The following PRKD1 variants were observed in gnomAD, a reference collection of about 807,000 sequenced individuals.
PRKD1 encodes the protein serine/threonine-protein kinase D1.
Under a neutral mutation model 95.9 loss-of-function variants are expected in PRKD1, and 63 were observed. The ratio of observed to expected loss-of-function variants is 0.66; its 90% CI spans 0.54 to 0.81. The LOEUF is 0.81. Among genes scored for constraint, PRKD1 ranks in the 30% least tolerant of loss-of-function variants. PRKD1 has a pLI of 0.00. For synonymous variants in PRKD1, 425 were observed against 423.1 expected (o/e 1.00, Z -0.05); for missense variants, 1,048 against 1,165.3 (o/e 0.90, Z 1.47).
intron 1 of PRKD1, among the ~76,000 whole-genome samples, chr14:29,808,155 A>G (rs187974968): frequency 3.9e-4 from 60 of 152,192 alleles, no homozygotes; most frequent in Non-Finnish European, 7.1e-4. Context: ...ATTGGAGTCA[A>G]TCCTCTCAAA....
At chr14:29,580,607 T>C (rs533617934) in intron 16 of PRKD1, among the ~76,000 whole-genome samples, 1 of 152,244 alleles carries the variant, frequency 6.6e-6, no homozygotes, top group South Asian at 2.1e-4. Context: ...AGTTGAGAAT[T>C]CTGTTCTGCT....
intron 1 of PRKD1, among the ~76,000 whole-genome samples, chr14:29,838,040 A>G (rs1267314421): frequency 6.6e-6 from 1 of 152,214 alleles, no homozygotes; most frequent in Non-Finnish European, 1.5e-5. Flanking sequence ...ACGAAACTGT[A>G]CAGCACAAAA....
At chr14:29,755,328 A>T (rs967110050) in intron 1 of PRKD1, among the ~76,000 whole-genome samples, 1 of 152,110 alleles carries the variant, frequency 6.6e-6, no homozygotes, top group Non-Finnish European at 1.5e-5. Flanking sequence ...AACATGTACT[A>T]AATTTCTCCA....
intron 1 of PRKD1, among the ~76,000 whole-genome samples, chr14:29,910,556 GAGAA>G (rs1474481768): frequency 1.3e-5 from 2 of 152,136 alleles, no homozygotes; most frequent in Non-Finnish European, 2.9e-5. Context: ...GTAGCCTTAA[GAGAA>G]AGAAAGATTA....
intron 1 of PRKD1, among the ~76,000 whole-genome samples, chr14:29,738,970 G>A (rs570300237): frequency 4.3e-4 from 66 of 152,050 alleles, no homozygotes; most frequent in African/African-American, 1.6e-3. Flanking sequence ...GGTGTAGCTG[G>A]TATTATAGGT....
chr14:29,875,465 C>CAAA (rs1893254248), intron 1 of PRKD1, among the ~76,000 whole-genome samples: 1 of 152,134 alleles, frequency 6.6e-6, no homozygotes, highest in Non-Finnish European at 1.5e-5. Flanking sequence ...TTATTAGAGG[C>CAAA]AAAACTGTGC....
intron 1 of PRKD1, among the ~76,000 whole-genome samples, chr14:29,789,861 C>T (rs1889455371): frequency 6.6e-6 from 1 of 152,096 alleles, no homozygotes; most frequent in Admixed American, 6.5e-5. Flanking sequence ...TGAGGTGGAC[C>T]TGTCTTCAGG....
At chr14:29,796,513 A>G (rs1358922083) in intron 1 of PRKD1, among the ~76,000 whole-genome samples, 1 of 152,174 alleles carries the variant, frequency 6.6e-6, no homozygotes, top group Admixed American at 6.5e-5. Flanking sequence ...CAGTCTATAA[A>G]TCATATTTAA....
chr14:29,903,492 T>A (rs1326193173), intron 1 of PRKD1, among the ~76,000 whole-genome samples: 2 of 152,116 alleles, frequency 1.3e-5, no homozygotes, highest in Non-Finnish European at 2.9e-5. Flanking sequence ...TTGTTGTCAG[T>A]TAAATAGAGA....
chr14:29,852,145 T>C (rs1297409731), intron 1 of PRKD1, among the ~76,000 whole-genome samples: 3 of 152,066 alleles, frequency 2.0e-5, no homozygotes, highest in Admixed American at 6.6e-5. Flanking sequence ...TTCACTGCCC[T>C]AGTGACAGGT....
At chr14:29,760,481 A>G (rs1372540621) in intron 1 of PRKD1, among the ~76,000 whole-genome samples, 1 of 149,056 alleles carries the variant, frequency 6.7e-6, no homozygotes, top group African/African-American at 2.5e-5. Context: ...TCAGCCTCCC[A>G]TGTAGCTGGG....
intron 1 of PRKD1, among the ~76,000 whole-genome samples, chr14:29,758,930 C>T (rs1343901229): frequency 6.6e-6 from 1 of 152,200 alleles, no homozygotes; most frequent in Non-Finnish European, 1.5e-5. Flanking sequence ...TAAGCACATT[C>T]ACTTCTACTA....
At chr14:29,898,762 T>C (rs1894218107) in intron 1 of PRKD1, among the ~76,000 whole-genome samples, 1 of 152,226 alleles carries the variant, frequency 6.6e-6, no homozygotes, top group South Asian at 2.1e-4. Context: ...TTACATCAGC[T>C]GTGTCCACAG....
chr14:29,651,761 G>C (rs927690090), intron 4 of PRKD1, among the ~76,000 whole-genome samples: 1 of 149,138 alleles, frequency 6.7e-6, no homozygotes, highest in Non-Finnish European at 1.5e-5. Context: ...ATTTATTTTT[G>C]AGACCGAGTT....
At chr14:29,634,609 A>C in intron 7 of PRKD1, 68 bp from the exon 8 acceptor site, 1 of 1,584,742 alleles carries the variant, frequency 6.3e-7, no homozygotes, top group Non-Finnish European at 8.7e-7. Flanking sequence ...TCATGCATAA[A>C]ACCTTATGTC....
At chr14:29,645,573 C>T (rs1453692860) in intron 4 of PRKD1, among the ~76,000 whole-genome samples, 1 of 152,080 alleles carries the variant, frequency 6.6e-6, no homozygotes, top group Non-Finnish European at 1.5e-5. Context: ...TCTCCTATTG[C>T]CATCGAGATG....
intron 1 of PRKD1, among the ~76,000 whole-genome samples, chr14:29,803,848 T>C (rs1358234691): frequency 1.3e-5 from 2 of 152,224 alleles, no homozygotes; most frequent in Non-Finnish European, 2.9e-5. Context: ...AAAGCCAAAT[T>C]CAAAATGCCT....
chr14:29,800,328 C>A (rs762686641), intron 1 of PRKD1, among the ~76,000 whole-genome samples: 4 of 152,200 alleles, frequency 2.6e-5, no homozygotes, highest in Non-Finnish European at 5.9e-5. Context: ...AGAGTCCGCA[C>A]TGGTTGCGTA....
At chr14:29,705,159 T>C (rs1885020357) in intron 2 of PRKD1, among the ~76,000 whole-genome samples, 1 of 152,138 alleles carries the variant, frequency 6.6e-6, no homozygotes, top group African/African-American at 2.4e-5. Flanking sequence ...ACCACTATCC[T>C]TATTTTATCC....
Sources: allele counts gnomAD v4.1 joint callset (sites outside exome capture counted in the v4.1 genomes callset), GRCh38; gene constraint gnomAD v4.1.1; transcripts MANE v1.5; gene names NCBI Gene and HGNC (gene_info 2026-07-23, HGNC 2026-07-21).